CLCN5: variants seen among roughly 807,000 people sequenced by gnomAD.
The protein encoded by CLCN5 is H(+)/Cl(-) exchange transporter 5.
Under a neutral mutation model 54.0 loss-of-function variants are expected in CLCN5, and 17 were observed. The ratio of observed to expected loss-of-function variants is 0.31; its 90% CI spans 0.22 to 0.47. The LOEUF (loss-of-function observed/expected upper bound fraction) is 0.47, where lower values mean the gene tolerates loss of function less well. CLCN5 is among the 20% of genes least tolerant of loss of function. CLCN5 has a pLI of 1.00. For missense variants in CLCN5, 448 were observed against 646.7 expected (o/e 0.69, Z 3.33); for synonymous variants, 222 against 233.0 (o/e 0.95, Z 0.43).
intron 7 of CLCN5, among the ~76,000 whole-genome samples, chrX:50,077,493 G>A (rs1015189977): frequency 9.4e-5 from 10 of 106,951 alleles, no homozygotes; most frequent in Non-Finnish European, 1.9e-4. Context: ...CTGCTCCCGG[G>A]TACCCTGTCC....
chrX:50,063,705 A>C (rs1557190310), intron 4 of CLCN5, among the ~76,000 whole-genome samples: 1 of 109,080 alleles, frequency 9.2e-6, no homozygotes, highest in Non-Finnish European at 1.9e-5. Flanking sequence ...AGACACAACC[A>C]AAAAAGAGAA....
chrX:50,088,998 G>A lies in CLCN5; in HGVS notation c.1744+114G>A. 3 of 704,106 alleles carry A rather than the reference G, an allele frequency of 4.3e-6. No individual in the cohort carries two copies. In the South Asian group the frequency reaches 6.7e-5, roughly 16 times the overall value. 58.0% of individuals were successfully genotyped at this position (704,106 alleles called of 1,213,427 possible). A position where few individuals can be genotyped will look rare whatever the true frequency, so the allele number is the denominator to read the frequency against. ...TAAATGCCCATCCCTTTCCAGTTAG[G>A]TTTGCCATTTTCCAAGCACATTAAG... On this transcript the variant is annotated intron_variant, in intron 12 of 14. Transcript: ENST00000376091.
chrX:49,936,206 C>T (rs1363333863), intron 3 of CLCN5, among the ~76,000 whole-genome samples: 1 of 111,838 alleles, frequency 8.9e-6, no homozygotes, highest in African/African-American at 3.3e-5. Flanking sequence ...CTAGCAAAAT[C>T]TTTCAATTAG....
At chrX:49,985,066 T>G (rs922368731) in intron 3 of CLCN5, among the ~76,000 whole-genome samples, 4 of 111,273 alleles carry the variant, frequency 3.6e-5, no homozygotes, top group Non-Finnish European at 7.5e-5. Flanking sequence ...ATTTAAATAG[T>G]TTTTTAGTAA....
At chrX:49,946,258 G>A (rs1011881214) in intron 3 of CLCN5, among the ~76,000 whole-genome samples, 7 of 111,578 alleles carry the variant, frequency 6.3e-5, no homozygotes, top group Admixed American at 1.9e-4. Flanking sequence ...TTAATTGCTC[G>A]GAACAACAAC....
chrX:49,969,663 A>G (rs1159906659), intron 3 of CLCN5, among the ~76,000 whole-genome samples: 8 of 111,875 alleles, frequency 7.2e-5, no homozygotes, highest in Non-Finnish European at 1.3e-4. Context: ...AAATTCGTTC[A>G]GACTTGTTTT....
intron 3 of CLCN5, among the ~76,000 whole-genome samples, chrX:50,031,959 A>C (rs1425613135): frequency 1.0e-5 from 1 of 97,716 alleles, no homozygotes; most frequent in Non-Finnish European, 2.0e-5. Flanking sequence ...TATGAGTGAG[A>C]ATGTGTGGTG....
At chrX:50,040,035 T>G (rs1402030586) in intron 3 of CLCN5, among the ~76,000 whole-genome samples, 1 of 112,113 alleles carries the variant, frequency 8.9e-6, no homozygotes, top group East Asian at 2.8e-4. Flanking sequence ...CACTTCTTCC[T>G]GAATGACAGG....
intron 4 of CLCN5, among the ~76,000 whole-genome samples, chrX:50,043,075 T>C (rs1557187413): frequency 8.9e-6 from 1 of 112,077 alleles, no homozygotes; most frequent in Non-Finnish European, 1.9e-5. Flanking sequence ...GCTAATGACG[T>C]TGAATAGCAT....
intron 3 of CLCN5, among the ~76,000 whole-genome samples, chrX:49,941,458 A>G (rs1259346480): frequency 9.0e-6 from 1 of 111,604 alleles, no homozygotes; most frequent in African/African-American, 3.3e-5. Flanking sequence ...AGGGCAGTCA[A>G]GTACAGGCTT....
intron 3 of CLCN5, among the ~76,000 whole-genome samples, chrX:49,933,064 T>C (rs782185288): frequency 6.3e-5 from 7 of 110,950 alleles, no homozygotes; most frequent in Admixed American, 1.9e-4. Flanking sequence ...AGAAGCCATC[T>C]GGTCCTGCTT....
chrX:50,006,569 A>G (rs781938412), intron 3 of CLCN5, among the ~76,000 whole-genome samples: 5 of 111,689 alleles, frequency 4.5e-5, no homozygotes, highest in Non-Finnish European at 9.4e-5. Context: ...GCCTGCCTTC[A>G]TGTGTTCAAG....
intron 3 of CLCN5, among the ~76,000 whole-genome samples, chrX:49,967,443 C>A (rs1161263340): frequency 4.7e-5 from 4 of 85,674 alleles, no homozygotes; most frequent in Non-Finnish European, 8.2e-5. Flanking sequence ...TCATGTCCTT[C>A]GCCCACTTTT....
At position 49,925,313 on chromosome X, in the gene CLCN5, G is replaced by A; in HGVS notation, c.15G>A (p.Gln5=). MAMW[Q]GAMDNRGFQQ... The stretch of plus-strand genomic sequence containing the variant: ...ATAGGATCAAGATGGCCATGTGGCA[G>A]GGTAAGAAATTAGCACTTATTCTTC... The change falls in exon 3 of 15, where the codon CAG becomes CAA. Residue 5 remains glutamine, a splice_region_variant and synonymous_variant. Coordinates refer to ENST00000376091, the MANE Select transcript of CLCN5 (RefSeq NM_001127898.4). 1 of 1,209,528 alleles carries A rather than the reference G, an allele frequency of 8.3e-7. No homozygotes were observed. Among genetic ancestry groups the A allele is most frequent in the Non-Finnish European group, 1.1e-6 (1 of 893,747 alleles).
intron 3 of CLCN5, among the ~76,000 whole-genome samples, chrX:49,976,516 G>A (rs1166115693): frequency 8.9e-6 from 1 of 112,306 alleles, no homozygotes; most frequent in Admixed American, 9.4e-5. Flanking sequence ...AAGGAGGTAA[G>A]GATGATGTTG....
At chrX:50,046,839 A>G (rs1268936248) in intron 4 of CLCN5, among the ~76,000 whole-genome samples, 1 of 111,065 alleles carries the variant, frequency 9.0e-6, no homozygotes, top group African/African-American at 3.3e-5. Context: ...GACAGCAGGA[A>G]TGTAGAGGAA....
At chrX:49,992,678 A>T (rs1929323912) in intron 3 of CLCN5, among the ~76,000 whole-genome samples, 2 of 111,624 alleles carry the variant, frequency 1.8e-5, no homozygotes, top group African/African-American at 6.5e-5. Context: ...TTTTCCCCCT[A>T]GCAATAATTT....
At chrX:50,012,313 C>T (rs1425527180) in intron 3 of CLCN5, among the ~76,000 whole-genome samples, 6 of 111,860 alleles carry the variant, frequency 5.4e-5, no homozygotes, top group African/African-American at 2.0e-4. Context: ...GTCTGGTGTG[C>T]AAGGCAATAG....
intron 3 of CLCN5, among the ~76,000 whole-genome samples, chrX:49,955,513 A>G (rs1470672312): frequency 2.7e-5 from 3 of 110,270 alleles, no homozygotes; most frequent in African/African-American, 9.9e-5. Context: ...CTGCTTTTGA[A>G]TACTCCTTGT....
Sources: allele counts gnomAD v4.1 joint callset (sites outside exome capture counted in the v4.1 genomes callset), GRCh38; gene constraint gnomAD v4.1.1; transcripts MANE v1.5; gene names NCBI Gene and HGNC (gene_info 2026-07-23, HGNC 2026-07-21).